AKAP6: variants seen among roughly 807,000 people sequenced by gnomAD.
The protein encoded by AKAP6 is A-kinase anchor protein 6.
Under a neutral mutation model 188.5 loss-of-function variants are expected in AKAP6, and 58 were observed. That is an observed-to-expected ratio of 0.31 (90% confidence interval 0.25 to 0.38). The LOEUF (loss-of-function observed/expected upper bound fraction) is 0.38, where lower values mean the gene tolerates loss of function less well. Among genes scored for constraint, AKAP6 ranks in the 10% least tolerant of loss-of-function variants. AKAP6 has a pLI of 1.00. For missense variants in AKAP6, 2,710 were observed against 2,740.0 expected (o/e 0.99, Z 0.24); for synonymous variants, 989 against 998.6 (o/e 0.99, Z 0.18).
chr14:32,646,547 T>C (rs1414307441), intron 7 of AKAP6, among the ~76,000 whole-genome samples: 1 of 152,204 alleles, frequency 6.6e-6, no homozygotes, highest in African/African-American at 2.4e-5. Context: ...GAAATTCTAA[T>C]GGCTGAACTA....
intron 12 of AKAP6, among the ~76,000 whole-genome samples, chr14:32,789,408 C>T (rs1043437162): frequency 6.6e-6 from 1 of 152,244 alleles, no homozygotes; most frequent in Non-Finnish European, 1.5e-5. Flanking sequence ...TCCCTGATCC[C>T]ATTCCTCCTG....
intron 1 of AKAP6, among the ~76,000 whole-genome samples, chr14:32,382,019 G>C (rs766456182): frequency 6.6e-6 from 1 of 152,028 alleles, no homozygotes; most frequent in Non-Finnish European, 1.5e-5. Flanking sequence ...TCTTACCTTT[G>C]GTGTGTTACT....
chr14:32,661,277 A>G (rs547199105), intron 7 of AKAP6, among the ~76,000 whole-genome samples: 1 of 152,182 alleles, frequency 6.6e-6, no homozygotes, highest in African/African-American at 2.4e-5. Context: ...GTATAATAAT[A>G]AATCCTGCTG....
chr14:32,829,201 T>G (rs1166309189), intron 13 of AKAP6, among the ~76,000 whole-genome samples: 1 of 152,224 alleles, frequency 6.6e-6, no homozygotes, highest in Admixed American at 6.5e-5. Flanking sequence ...AGCCATGAGA[T>G]GTACAAATAT....
At chr14:32,563,650 G>A (rs916096513) in intron 4 of AKAP6, among the ~76,000 whole-genome samples, 1 of 152,146 alleles carries the variant, frequency 6.6e-6, no homozygotes, top group African/African-American at 2.4e-5. Flanking sequence ...GGTTAAGGGT[G>A]CTCTTCGCCC....
Position 32,609,878 on chromosome 14 carries a change from CTG to C in AKAP6, c.2730+9087_2730+9088del, listed in dbSNP as rs1426179549. On this transcript the variant is annotated intron_variant, in intron 7 of 13. Transcript: ENST00000280979. ...GAGGTCTCTCTCTCTCTCTCTCTCT[CTG>C]ACACACACACACACACACACACACA... Among the ~76,000 whole-genome samples the C allele has an allele frequency of 4.6e-3, 480 of 105,308 alleles. 2 individuals are homozygous for C. The highest frequency in any genetic ancestry group is 0.022 in the African/African-American group (451 of 20,332). 69.1% of individuals were successfully genotyped at this position (105,308 alleles called of 152,430 possible).
At chr14:32,362,789 C>A (rs1335198983) in intron 1 of AKAP6, among the ~76,000 whole-genome samples, 1 of 152,248 alleles carries the variant, frequency 6.6e-6, no homozygotes, top group Non-Finnish European at 1.5e-5. Flanking sequence ...ACAATCAGAT[C>A]TATTTTTAGA....
intron 1 of AKAP6, among the ~76,000 whole-genome samples, chr14:32,427,438 T>C (rs1890072956): frequency 6.6e-6 from 1 of 152,178 alleles, no homozygotes. Context: ...CTTTGCCTCT[T>C]CTATTTAAGA....
chr14:32,825,778 C>G (rs2034658863), intron 13 of AKAP6, among the ~76,000 whole-genome samples: 1 of 152,120 alleles, frequency 6.6e-6, no homozygotes, highest in African/African-American at 2.4e-5. Context: ...CCACCCCCCA[C>G]TCCAGAAGCT....
At chr14:32,461,047 A>T (rs181715043) in intron 2 of AKAP6, among the ~76,000 whole-genome samples, 1 of 152,290 alleles carries the variant, frequency 6.6e-6, no homozygotes, top group East Asian at 1.9e-4. Flanking sequence ...GCATCTCTGA[A>T]GGTAACAGCC....
intron 9 of AKAP6, among the ~76,000 whole-genome samples, chr14:32,724,490 C>T (rs2030741027): frequency 6.6e-6 from 1 of 152,116 alleles, no homozygotes; most frequent in African/African-American, 2.4e-5. Flanking sequence ...ATGTTCTTAG[C>T]AATTTAATTA....
intron 1 of AKAP6, among the ~76,000 whole-genome samples, chr14:32,428,278 G>A (rs1356926214): frequency 2.0e-5 from 3 of 151,972 alleles, no homozygotes; most frequent in Admixed American, 1.3e-4. Context: ...CTTTTTCTCG[G>A]TCCACTCATC....
intron 4 of AKAP6, among the ~76,000 whole-genome samples, chr14:32,561,519 A>T (rs895460498): frequency 3.3e-5 from 5 of 152,228 alleles, no homozygotes; most frequent in African/African-American, 2.4e-5. Flanking sequence ...TCCTTGGCGT[A>T]TATCACTTCA....
intron 7 of AKAP6, among the ~76,000 whole-genome samples, chr14:32,663,621 C>T (rs956997374): frequency 2.0e-5 from 3 of 152,020 alleles, no homozygotes; most frequent in Non-Finnish European, 2.9e-5. Context: ...GAAGAAACAA[C>T]GTGTCCAAGG....
chr14:32,637,766 T>C (rs917378092), intron 7 of AKAP6, among the ~76,000 whole-genome samples: 5 of 151,940 alleles, frequency 3.3e-5, no homozygotes, highest in Non-Finnish European at 7.4e-5. Context: ...AGTTACAGTG[T>C]GGGACATGGG....
chr14:32,815,777 T>C (rs1352639324), intron 12 of AKAP6, among the ~76,000 whole-genome samples: 1 of 152,206 alleles, frequency 6.6e-6, no homozygotes, highest in African/African-American at 2.4e-5. Flanking sequence ...CCACCCCTGC[T>C]GTGTACCGGG....
At chr14:32,547,055 T>C in intron 4 of AKAP6, 56 bp downstream of exon 4, 1 of 1,480,112 alleles carries the variant, frequency 6.8e-7, no homozygotes. Context: ...GAAGTATTGC[T>C]GGGAGAAGGT....
chr14:32,569,057 C>T (rs917931474), intron 4 of AKAP6, among the ~76,000 whole-genome samples: 6 of 152,114 alleles, frequency 3.9e-5, no homozygotes, highest in Non-Finnish European at 8.8e-5. Context: ...CTTCTTTTCC[C>T]AGTTGAAACC....
At position 32,546,130 on chromosome 14, in the gene AKAP6, T is replaced by A. The variant is rs781487516; in HGVS notation, c.1477T>A (p.Ser493Thr). The A allele has an allele frequency of 4.3e-6, 7 of 1,613,730 alleles. No homozygotes were observed. In the South Asian group the frequency reaches 7.7e-5, roughly 18 times the overall value. Reference protein sequence around the residue: ...GRLNDCYKEKSRLKKPHKTSE... With the variant: ...GRLNDCYKEKTRLKKPHKTSE... ...GCTTAACGACTGCTATAAAGAGAAA[T>A]CTCGACTTAAAAAGCCACACAAGAC... The change falls in exon 4 of 14, where the codon TCT (serine) becomes ACT (threonine). Residue 493 changes from serine to threonine, a missense_variant. Ser to Thr is a moderately conservative substitution (Grantham distance 58). Transcript: ENST00000280979.
Sources: gnomAD v4.1 joint callset for allele counts (sites outside exome capture counted in the v4.1 genomes callset) on GRCh38, gnomAD v4.1.1 for gene constraint, MANE v1.5 for transcripts, NCBI Gene and HGNC (gene_info 2026-07-23, HGNC 2026-07-21) for gene names.